Variants in SYTL2 observed in about 807,000 individuals in gnomAD.
SYTL2 encodes synaptotagmin-like protein 2.
A neutral mutation model predicts 198.7 loss-of-function variants in SYTL2; 165 were observed. The observed-to-expected ratio is 0.83, with a 90% CI of 0.73 to 0.94. The LOEUF (loss-of-function observed/expected upper bound fraction) is 0.94. SYTL2 is among the 40% of genes least tolerant of loss of function. SYTL2 has a pLI of 0.00. For missense variants in SYTL2, 2,835 were observed against 2,582.8 expected, an observed-to-expected ratio of 1.10 and a Z score of -2.12; for synonymous variants, 966 against 917.7, an observed-to-expected ratio of 1.05 and a Z score of -0.95.
the SYTL2 span, among the ~76,000 whole-genome samples, chr11:85,835,323 A>G: frequency 6.6e-6 from 1 of 152,206 alleles, no homozygotes; most frequent in African/African-American, 2.4e-5. Context: ...ATGAGAATTA[A>G]GTTATCCAAC....
Position 85,725,221 on chromosome 11 carries a change from T to G in SYTL2, c.4137A>C (p.Gly1379=). The G allele has an allele frequency of 6.2e-7, 1 of 1,614,148 alleles. No individual in the cohort carries two copies. The highest frequency in any genetic ancestry group is 8.5e-7 in the Non-Finnish European group (1 of 1,180,002). Residue 1379 remains glycine, a synonymous_variant, in exon 8 of 20, where the codon GGA becomes GGC. Coordinates refer to ENST00000359152, the MANE Select transcript of SYTL2 (RefSeq NM_206927.4). ...DVSAALQKLC[G]EVWLSYPAGR... is the part of the protein sequence containing the mutation. ...CAGCTGGATAACTTAACCATACTTC[T>G]CCACACAGCTTCTGTAATGCAGCAC...
In SYTL2 at chr11:85,724,948, T is replaced by A. The variant is rs115708955; in HGVS notation, c.4410A>T (p.Gln1470His). The A allele has an allele frequency of 6.2e-7, 1 of 1,613,962 alleles. No individual in the cohort carries two copies. The highest frequency in any genetic ancestry group is 8.5e-7 in the Non-Finnish European group (1 of 1,179,944). Residue 1470 changes from glutamine (Q) to histidine (H), a missense_variant, in exon 8 of 20, where the codon CAA becomes CAT. Gln to His is a conservative substitution (Grantham distance 24, BLOSUM62 0). Coordinates refer to ENST00000359152, the MANE Select transcript of SYTL2 (RefSeq NM_206927.4). Reference protein sequence around the residue: ...TLSSFASIVAQYGKGLPQEVE... With the variant: ...TLSSFASIVAHYGKGLPQEVE... ...CTTCCTGAGGGAGGCCTTTGCCATA[T>A]TGAGCAACAATGGAAGCAAATGAGC...
At chr11:85,820,612 C>G in the SYTL2 span, among the ~76,000 whole-genome samples, 17 of 152,198 alleles carry the variant, frequency 1.1e-4, no homozygotes, top group African/African-American at 1.7e-4. Flanking sequence ...CTGGCATGTA[C>G]GAGAGTTTAA....
intron 16 of SYTL2, among the ~76,000 whole-genome samples, chr11:85,704,058 C>T (rs2084756227): frequency 6.6e-6 from 1 of 151,816 alleles, no homozygotes; most frequent in African/African-American, 2.4e-5. Flanking sequence ...CCAAATACAT[C>T]AATATTTATA....
rs139179715 is a variant in SYTL2, at chr11:85,731,664, T to C, written c.1390+2275A>G. 3.3e-3 allele frequency among the ~76,000 whole-genome samples: 499 copies of C among 152,246 alleles called. 5 individuals are homozygous for C. The highest frequency in any genetic ancestry group is 0.01 in the Middle Eastern group (3 of 294). The stretch of plus-strand genomic sequence containing the variant: ...AACCTAGGCAATACCACTCAGGACA[T>C]AGGCATGGGCAAAGACTTCATGACT... On this transcript the variant is annotated intron_variant, in intron 7 of 19. Transcript: ENST00000359152.
At chr11:85,773,164 G>T (rs2092388889) in intron 1 of SYTL2, among the ~76,000 whole-genome samples, 1 of 152,110 alleles carries the variant, frequency 6.6e-6, no homozygotes, top group Non-Finnish European at 1.5e-5. Context: ...GCAAAAACAA[G>T]AGGGCTCAGT....
chr11:85,800,696 A>G (rs1166264343), intron 1 of SYTL2, among the ~76,000 whole-genome samples: 1 of 152,118 alleles, frequency 6.6e-6, no homozygotes. Context: ...GAGAAGGAAA[A>G]AAACAAACAC....
intron 1 of SYTL2, among the ~76,000 whole-genome samples, chr11:85,769,543 A>T (rs2092313711): frequency 6.6e-6 from 1 of 152,190 alleles, no homozygotes; most frequent in Admixed American, 6.5e-5. Context: ...GACTTCTAGA[A>T]TTATATAAGT....
At chr11:85,711,343 G>A in intron 12 of SYTL2, 111 bp from the exon 13 acceptor site, 1 of 1,157,654 alleles carries the variant, frequency 8.6e-7, no homozygotes. Flanking sequence ...TTTACGCAAG[G>A]TCAAAGGATG....
chr11:85,753,347 A>T (rs1007817170), intron 2 of SYTL2, among the ~76,000 whole-genome samples: 2 of 152,166 alleles, frequency 1.3e-5, no homozygotes, highest in Non-Finnish European at 2.9e-5. Flanking sequence ...TTAGGGAAGC[A>T]GGCTGTGTAG....
chr11:85,838,389 G>A, the SYTL2 span, among the ~76,000 whole-genome samples: 1 of 152,168 alleles, frequency 6.6e-6, no homozygotes, highest in African/African-American at 2.4e-5. Flanking sequence ...ATAGGTGTAT[G>A]TATTAGGACG....
chr11:85,711,931 G>A (rs1017096355), intron 12 of SYTL2, among the ~76,000 whole-genome samples: 2 of 152,042 alleles, frequency 1.3e-5, no homozygotes, highest in African/African-American at 2.4e-5. Flanking sequence ...TTTTAAATAT[G>A]TCCGAGGAAG....
intron 1 of SYTL2, among the ~76,000 whole-genome samples, chr11:85,780,547 G>T (rs1443366336): frequency 1.3e-5 from 2 of 152,168 alleles, no homozygotes; most frequent in African/African-American, 4.8e-5. Context: ...CCTATGTAAC[G>T]AAGCTGCCAT....
chr11:85,753,914 T>C (rs1471689791), intron 2 of SYTL2, among the ~76,000 whole-genome samples: 1 of 152,130 alleles, frequency 6.6e-6, no homozygotes, highest in Non-Finnish European at 1.5e-5. Flanking sequence ...AGATCTCATC[T>C]ACCGCCATAC....
the SYTL2 span, among the ~76,000 whole-genome samples, chr11:85,834,137 A>C: frequency 0.16 from 24,002 of 152,124 alleles, 2,074 homozygotes; most frequent in Middle Eastern, 0.2. Context: ...TTCACAGAAA[A>C]AATAAAATAT....
chr11:85,845,814 G>A, the SYTL2 span, among the ~76,000 whole-genome samples: 2 of 152,142 alleles, frequency 1.3e-5, no homozygotes, highest in African/African-American at 4.8e-5. Flanking sequence ...TACTTGGGAG[G>A]CTGAGGCAGG....
At chr11:85,843,654 A>C in the SYTL2 span, among the ~76,000 whole-genome samples, 1 of 152,212 alleles carries the variant, frequency 6.6e-6, no homozygotes, top group East Asian at 1.9e-4. Flanking sequence ...CTCTGGTTAC[A>C]TGGGAAATGT....
At chr11:85,788,495 AAT>A (rs1241556452) in intron 1 of SYTL2, among the ~76,000 whole-genome samples, 1 of 152,200 alleles carries the variant, frequency 6.6e-6, no homozygotes, top group African/African-American at 2.4e-5. Context: ...GAAGCTGTGA[AAT>A]ATACACAAGT....
At chr11:85,735,482 C>T (rs748455851) in intron 6 of SYTL2, among the ~76,000 whole-genome samples, 15 of 152,282 alleles carry the variant, frequency 9.9e-5, no homozygotes, top group Non-Finnish European at 2.2e-4. Flanking sequence ...ACAGGCCAAG[C>T]GCAGTGGCTC....
Sources: gnomAD v4.1 joint callset for allele counts (sites outside exome capture counted in the v4.1 genomes callset) on GRCh38, gnomAD v4.1.1 for gene constraint, MANE v1.5 for transcripts, NCBI Gene and HGNC (gene_info 2026-07-23, HGNC 2026-07-21) for gene names.